Variants in PTN observed in about 807,000 individuals in gnomAD.
The protein encoded by PTN is pleiotrophin, also known as heparin affin regulatory protein.
A neutral mutation model predicts 24.1 loss-of-function variants in PTN; 18 were observed. The observed-to-expected ratio is 0.75, with a 90% CI of 0.52 to 1.11. The LOEUF (loss-of-function observed/expected upper bound fraction) is 1.11, where lower values mean the gene tolerates loss of function less well. Ranked by LOEUF, PTN falls within the 50% of genes least tolerant of loss-of-function variation. PTN has a pLI of 0.00. For synonymous variants in PTN, 78 were observed against 68.6 expected, an observed-to-expected ratio of 1.14 and a Z score of -0.67; for missense variants, 163 against 198.8, an observed-to-expected ratio of 0.82 and a Z score of 1.08.
Position 137,251,255 on chromosome 7 carries a change from G to C in PTN, c.426C>G (p.Gly142=). The C allele has an allele frequency of 1.9e-6, 3 of 1,614,096 alleles. No individual in the cohort carries two copies. The highest frequency in any genetic ancestry group is 2.5e-6 in the Non-Finnish European group (3 of 1,180,008). Residue 142 remains glycine, a synonymous_variant, in exon 4 of 5, where the codon GGC becomes GGG. Transcript: ENST00000348225. ...CTTGAGGTTTGGGCTTGGTCAGTTT[G>C]CCACAGGGCTTGGAGATGGTGACAG... The part of the protein sequence containing the change: ...QKTVTISKPC[G]KLTKPKPQAE...
intron 1 of PTN, chr7:137,318,927 C>T (rs2128880871): frequency 6.6e-6 from 1 of 152,340 alleles, no homozygotes; most frequent in African/African-American, 2.4e-5. Context: ...CCGTCACCAA[C>T]ACCAAGATTC....
intron 1 of PTN, among the ~76,000 whole-genome samples, chr7:137,337,203 G>A (rs1810463207): frequency 1.3e-5 from 2 of 152,176 alleles, no homozygotes; most frequent in Admixed American, 6.5e-5. Context: ...GCTGCTGTAG[G>A]TTATTTGACC....
chr7:137,300,554 G>A (rs1809789666), intron 1 of PTN, among the ~76,000 whole-genome samples: 1 of 151,940 alleles, frequency 6.6e-6, no homozygotes, highest in Admixed American at 6.6e-5. Flanking sequence ...GCAGGGGTGA[G>A]TTAGGGAGTT....
intron 1 of PTN, among the ~76,000 whole-genome samples, chr7:137,296,228 G>A (rs918103056): frequency 6.6e-6 from 1 of 152,008 alleles, no homozygotes; most frequent in Non-Finnish European, 1.5e-5. Context: ...CTGATAAGTT[G>A]TAAACCATAT....
At chr7:137,266,206 T>G (rs1809141386) in intron 1 of PTN, among the ~76,000 whole-genome samples, 2 of 152,192 alleles carry the variant, frequency 1.3e-5, no homozygotes, top group South Asian at 4.1e-4. Context: ...TGGATGATAC[T>G]TTTTTAAGTT....
chr7:137,231,267 C>T (rs1037110887), intron 4 of PTN, among the ~76,000 whole-genome samples: 1 of 151,910 alleles, frequency 6.6e-6, no homozygotes, highest in Non-Finnish European at 1.5e-5. Flanking sequence ...ACCCATCTTC[C>T]TTATGACGGT....
intron 1 of PTN, among the ~76,000 whole-genome samples, chr7:137,341,194 T>C (rs1341935164): frequency 1.3e-5 from 2 of 152,170 alleles, no homozygotes; most frequent in South Asian, 2.1e-4. Flanking sequence ...ATATCTAAGA[T>C]TGATTTTACT....
chr7:137,243,019 G>A (rs896068567), intron 4 of PTN, among the ~76,000 whole-genome samples: 2 of 152,142 alleles, frequency 1.3e-5, no homozygotes, highest in Non-Finnish European at 2.9e-5. Flanking sequence ...TCACTGCAAC[G>A]TCTGCCTCCT....
intron 4 of PTN, 113 bp downstream of exon 4, chr7:137,251,117 G>A: frequency 1.6e-6 from 2 of 1,279,042 alleles, no homozygotes; most frequent in Non-Finnish European, 2.2e-6. Flanking sequence ...GAGTTTTTCA[G>A]TCACTTTCTT....
chr7:137,243,607 A>AT (rs1183336810), intron 4 of PTN, among the ~76,000 whole-genome samples: 2 of 152,072 alleles, frequency 1.3e-5, no homozygotes, highest in Non-Finnish European at 2.9e-5. Flanking sequence ...TTAAATATTC[A>AT]TTTTCCAGGC....
chr7:137,269,084 G>C (rs1809218232), intron 1 of PTN, among the ~76,000 whole-genome samples: 1 of 152,004 alleles, frequency 6.6e-6, no homozygotes, highest in Non-Finnish European at 1.5e-5. Context: ...AAGTTACTTT[G>C]TATGAGATTT....
At chr7:137,310,275 C>T (rs1385369015) in intron 1 of PTN, among the ~76,000 whole-genome samples, 1 of 152,128 alleles carries the variant, frequency 6.6e-6, no homozygotes, top group Non-Finnish European at 1.5e-5. Flanking sequence ...TGCCATCATC[C>T]AGGCTCTGTT....
At chr7:137,289,653 G>A (rs565500412) in intron 1 of PTN, among the ~76,000 whole-genome samples, 7 of 152,272 alleles carry the variant, frequency 4.6e-5, no homozygotes, top group African/African-American at 1.7e-4. Flanking sequence ...GAGGGATCAC[G>A]TGGCAAGGAT....
intron 4 of PTN, among the ~76,000 whole-genome samples, chr7:137,240,168 T>C (rs539360806): frequency 4.6e-5 from 7 of 152,152 alleles, no homozygotes; most frequent in South Asian, 2.1e-4. Context: ...CCAAGAGGTA[T>C]TTACTGATTT....
At chr7:137,290,007 A>G (rs1474853306) in intron 1 of PTN, among the ~76,000 whole-genome samples, 1 of 152,224 alleles carries the variant, frequency 6.6e-6, no homozygotes, top group Non-Finnish European at 1.5e-5. Flanking sequence ...GCAATTTACA[A>G]AACAAAGAGG....
intron 1 of PTN, among the ~76,000 whole-genome samples, chr7:137,342,442 T>C (rs139327694): frequency 8.2e-4 from 125 of 152,266 alleles, no homozygotes; most frequent in African/African-American, 2.9e-3. Flanking sequence ...ATTTTCTGAA[T>C]GTGTCCCCAA....
At chr7:137,287,299 C>A (rs1313915702) in intron 1 of PTN, among the ~76,000 whole-genome samples, 1 of 152,196 alleles carries the variant, frequency 6.6e-6, no homozygotes, top group East Asian at 1.9e-4. Context: ...TTTCAAATAA[C>A]TTCTATTTCC....
chr7:137,277,807 T>C (rs1192796579), intron 1 of PTN, among the ~76,000 whole-genome samples: 32 of 152,032 alleles, frequency 2.1e-4, no homozygotes, highest in Admixed American at 1.6e-3. Context: ...TGGGTTCAAG[T>C]GATCCTTCTG....
intron 1 of PTN, among the ~76,000 whole-genome samples, chr7:137,274,463 T>A (rs1330034881): frequency 6.6e-6 from 1 of 152,168 alleles, no homozygotes; most frequent in East Asian, 1.9e-4. Context: ...GCTGCACCCA[T>A]CAACCCGTCA....
Sources: allele counts gnomAD v4.1 joint callset (sites outside exome capture counted in the v4.1 genomes callset), GRCh38; gene constraint gnomAD v4.1.1; transcripts MANE v1.5; gene names NCBI Gene and HGNC (gene_info 2026-07-23, HGNC 2026-07-21).